Variants in ANO2 observed in about 807,000 individuals in gnomAD.
ANO2 encodes anoctamin 2.
In ANO2, 101 loss-of-function variants were observed where a neutral mutation model predicts 124.2. The observed-to-expected ratio is 0.81, with a 90% confidence interval of 0.69 to 0.96. The LOEUF (loss-of-function observed/expected upper bound fraction) is 0.96. ANO2 is among the 40% of genes least tolerant of loss of function. ANO2 has a pLI of 0.00. For missense variants in ANO2, 1,293 were observed against 1,274.5 expected, an observed-to-expected ratio of 1.01 and a Z score of -0.22; for synonymous variants, 486 against 482.5, an observed-to-expected ratio of 1.01 and a Z score of -0.09.
intron 3 of ANO2, among the ~76,000 whole-genome samples, chr12:5,912,254 T>G (rs1402323678): frequency 6.6e-6 from 1 of 152,194 alleles, no homozygotes. Flanking sequence ...CTCATCTCTG[T>G]GGCTGGGTGA....
At chr12:5,643,454 G>A (rs1481386572) in intron 15 of ANO2, among the ~76,000 whole-genome samples, 1 of 152,030 alleles carries the variant, frequency 6.6e-6, no homozygotes, top group Non-Finnish European at 1.5e-5. Flanking sequence ...TTCTGGTGGT[G>A]ACAGGCATTT....
At chr12:5,574,094 C>T (rs79426122) in intron 23 of ANO2, among the ~76,000 whole-genome samples, 13,302 of 152,234 alleles carry the variant, frequency 0.087, 678 homozygotes, top group Middle Eastern at 0.14. Flanking sequence ...TAAGAAAGCC[C>T]TATGTTGGTC....
intron 3 of ANO2, among the ~76,000 whole-genome samples, chr12:5,920,614 C>A (rs575395816): frequency 6.6e-4 from 100 of 152,188 alleles, no homozygotes; most frequent in African/African-American, 2.0e-3. Context: ...ACCTGTAATC[C>A]CAGCACTTTG....
intron 14 of ANO2, among the ~76,000 whole-genome samples, chr12:5,700,546 C>T (rs1949361367): frequency 6.6e-6 from 1 of 151,966 alleles, no homozygotes; most frequent in Non-Finnish European, 1.5e-5. Context: ...GAAGCAAGAG[C>T]AAACAAATTC....
chr12:5,724,544 G>A (rs530269878), intron 14 of ANO2, among the ~76,000 whole-genome samples: 5 of 152,256 alleles, frequency 3.3e-5, no homozygotes, highest in South Asian at 2.1e-4. Context: ...CACAGCCTCC[G>A]CAAAGGCCCA....
rs1025508954 is a variant in ANO2, at chr12:5,787,597, T to C, written c.1055+11910A>G. On this transcript the variant is annotated intron_variant, in intron 10 of 24. Transcript: ENST00000682330. The surrounding 1 kb of genome is among the most constrained non-coding windows in gnomAD (Gnocchi z 4.2). ...TCGATCTCGACGGGGTGTTGTGAGT[T>C]AGCAAATGCCAAGGGGTAGAACAGT... Among the ~76,000 whole-genome samples the C allele has an allele frequency of 6.6e-6, 1 of 152,212 alleles. No individual in the cohort carries two copies. The highest frequency in any genetic ancestry group is 2.1e-4 in the South Asian group (1 of 4,822).
chr12:5,627,619 T>A (rs1433536882), intron 16 of ANO2, among the ~76,000 whole-genome samples: 1 of 152,190 alleles, frequency 6.6e-6, no homozygotes, highest in Non-Finnish European at 1.5e-5. Context: ...GAAGATTAGA[T>A]TCATATATGC....
At chr12:5,786,932 C>T (rs1031856638) in intron 10 of ANO2, among the ~76,000 whole-genome samples, 2 of 152,184 alleles carry the variant, frequency 1.3e-5, no homozygotes, top group Non-Finnish European at 2.9e-5. Flanking sequence ...CCTTGATGAG[C>T]GCAGGCTGAG....
In ANO2 at chr12:5,672,485, C is replaced by A. The variant is rs191181950; in HGVS notation, c.1546-24684G>T. 4.5e-3 allele frequency among the ~76,000 whole-genome samples: 678 copies of A among 152,330 alleles called. 3 individuals carry two copies. Among genetic ancestry groups the A allele is most frequent in the Middle Eastern group, 0.031 (9 of 294 alleles). On this transcript the variant is annotated intron_variant, in intron 14 of 24. Transcript: ENST00000682330. The stretch of plus-strand genomic sequence containing the variant: ...AGTCCTTAGGTTGGAGAATCAAATT[C>A]ACAAATGTCTCCTTCAGTTCACTTT...
intron 14 of ANO2, 140 bp downstream of exon 14, chr12:5,732,380 G>T: frequency 1.6e-6 from 1 of 639,154 alleles, no homozygotes; most frequent in Non-Finnish European, 2.7e-6. Context: ...GACAATGCGA[G>T]ATGTCATGCT....
Position 5,840,690 on chromosome 12 carries a change from A to C in ANO2, c.634-8087T>G, listed in dbSNP as rs149594566. On this transcript the variant is annotated intron_variant, in intron 4 of 24. Transcript: ENST00000682330. ...AAGAGTGTCTCTCCCAGCAACAGGC[A>C]GGAAAGGTCACCCAGGAGGAATGCA... 1.2e-3 allele frequency among the ~76,000 whole-genome samples: 186 copies of C among 152,340 alleles called. 2 individuals are homozygous for C. The highest frequency in any genetic ancestry group is 4.2e-3 in the African/African-American group (174 of 41,578).
At chr12:5,599,733 T>A (rs1330293110) in intron 19 of ANO2, 104 bp from the exon 20 acceptor site, 6 of 1,269,640 alleles carry the variant, frequency 4.7e-6, no homozygotes, top group Non-Finnish European at 6.6e-6. Flanking sequence ...ACTAAAGCCA[T>A]CTCTGATCCA....
At chr12:5,806,241 G>T in intron 8 of ANO2, 148 bp from the exon 9 acceptor site, 1 of 779,644 alleles carries the variant, frequency 1.3e-6, no homozygotes, top group South Asian at 1.9e-5. Context: ...CATGGTAAGG[G>T]GCTGATATTC....
intron 1 of ANO2, among the ~76,000 whole-genome samples, chr12:5,936,509 A>C (rs1942658859): frequency 6.6e-6 from 1 of 152,194 alleles, no homozygotes; most frequent in African/African-American, 2.4e-5. Flanking sequence ...ACAAAAACAA[A>C]GTGCCATCTT....
intron 3 of ANO2, among the ~76,000 whole-genome samples, chr12:5,859,049 A>G (rs1407630019): frequency 6.6e-6 from 1 of 152,246 alleles, no homozygotes; most frequent in Non-Finnish European, 1.5e-5. Context: ...TGAAATCGAC[A>G]GGAAATTTAA....
intron 10 of ANO2, among the ~76,000 whole-genome samples, chr12:5,786,427 C>T (rs917118874): frequency 1.3e-5 from 2 of 152,134 alleles, no homozygotes; most frequent in Admixed American, 6.5e-5. Flanking sequence ...ACATTAAAGG[C>T]CCTTCATTTG....
intron 11 of ANO2, among the ~76,000 whole-genome samples, chr12:5,747,183 C>A (rs1951292384): frequency 6.6e-6 from 1 of 152,140 alleles, no homozygotes; most frequent in Non-Finnish European, 1.5e-5. Context: ...CGCTGTGAAT[C>A]TAAAATTTTT....
At chr12:5,701,067 T>C (rs1478079262) in intron 14 of ANO2, among the ~76,000 whole-genome samples, 5 of 149,248 alleles carry the variant, frequency 3.4e-5, no homozygotes, top group Non-Finnish European at 7.4e-5. Flanking sequence ...GTAAATCCTC[T>C]AGGATTCTAG....
In ANO2 at chr12:5,563,140, T is replaced by C; in HGVS notation, c.*159A>G. 1.0e-6 allele frequency: 1 copy of C among 996,534 alleles called. No homozygotes were observed. Among genetic ancestry groups the C allele is most frequent in the Non-Finnish European group, 1.4e-6 (1 of 700,182 alleles). The allele number at this position is 996,534 out of a possible 1,614,324, so 61.7% of individuals were successfully genotyped here. On this transcript the variant is annotated 3_prime_UTR_variant, in exon 25 of 25. Coordinates refer to ENST00000682330, the MANE Select transcript of ANO2 (RefSeq NM_001364791.2). ...TCATTTCTCTTCCTTCCTACACTCA[T>C]TCTGTCAGGCTCTTTCTTTTTACAC... is the stretch of plus-strand genomic sequence containing the variant.
Sources: allele counts gnomAD v4.1 joint callset (sites outside exome capture counted in the v4.1 genomes callset), GRCh38; gene constraint gnomAD v4.1.1; non-coding constraint Gnocchi (gnomAD v3.1); transcripts MANE v1.5; gene names NCBI Gene and HGNC (gene_info 2026-07-23, HGNC 2026-07-21).